Variants in SLC14A2 observed in about 807,000 individuals in gnomAD.
SLC14A2 encodes urea transporter 2.
SLC14A2 carries 91 observed loss-of-function variants against 104.6 expected under a neutral mutation model. The ratio of observed to expected loss-of-function variants is 0.87; its 90% CI spans 0.73 to 1.04. SLC14A2 has a LOEUF of 1.04. SLC14A2 is among the 50% of genes least tolerant of loss of function. The pLI, the probability that SLC14A2 is intolerant of heterozygous loss-of-function variation, is 0.00. For synonymous variants in SLC14A2, 476 were observed against 466.4 expected, an observed-to-expected ratio of 1.02 and a Z score of -0.27; for missense variants, 1,189 against 1,156.0, an observed-to-expected ratio of 1.03 and a Z score of -0.41.
chr18:45,665,938 C>T (rs2046015119), intron 11 of SLC14A2, among the ~76,000 whole-genome samples, 199 bp from the exon 12 acceptor site: 2 of 151,900 alleles, frequency 1.3e-5, no homozygotes, highest in South Asian at 4.2e-4. Context: ...TTCCCCAAAG[C>T]GAGGGCCCAG....
intron 1 of SLC14A2, among the ~76,000 whole-genome samples, chr18:45,401,721 A>G (rs1261913902): frequency 6.6e-6 from 1 of 152,236 alleles, no homozygotes; most frequent in Non-Finnish European, 1.5e-5. Context: ...ATACTTATAC[A>G]GAAGTTGTTT....
intron 1 of SLC14A2, among the ~76,000 whole-genome samples, chr18:45,476,321 G>T (rs560396293): frequency 6.6e-6 from 1 of 152,288 alleles, no homozygotes; most frequent in South Asian, 2.1e-4. Flanking sequence ...ACTCTCTTCT[G>T]GTTTGTAAGG....
intron 2 of SLC14A2, among the ~76,000 whole-genome samples, chr18:45,560,028 G>A (rs1025977206): frequency 1.3e-5 from 2 of 152,166 alleles, no homozygotes; most frequent in South Asian, 2.1e-4. Flanking sequence ...CTGCCTACAC[G>A]TTGCCCTGGA....
intron 1 of SLC14A2, among the ~76,000 whole-genome samples, chr18:45,478,319 G>C (rs575099583): frequency 6.6e-6 from 1 of 152,278 alleles, no homozygotes; most frequent in African/African-American, 2.4e-5. Context: ...TGGATCCACT[G>C]TCTAACCAGT....
At chr18:45,522,548 A>G (rs1280103215) in intron 2 of SLC14A2, among the ~76,000 whole-genome samples, 2 of 152,148 alleles carry the variant, frequency 1.3e-5, no homozygotes, top group East Asian at 3.9e-4. Flanking sequence ...AATGCCACAT[A>G]GCACATTTAA....
the SLC14A2 span, among the ~76,000 whole-genome samples, chr18:45,180,418 A>T: frequency 6.6e-6 from 1 of 152,194 alleles, no homozygotes; most frequent in African/African-American, 2.4e-5. Context: ...TATAATAAGA[A>T]ATGTGGAAGT....
intron 5 of SLC14A2, among the ~76,000 whole-genome samples, chr18:45,634,665 G>T (rs2045391316): frequency 6.6e-6 from 1 of 152,172 alleles, no homozygotes; most frequent in Non-Finnish European, 1.5e-5. Flanking sequence ...GGCAGGAGGG[G>T]AGGGCAGGTA....
intron 2 of SLC14A2, among the ~76,000 whole-genome samples, chr18:45,499,795 A>G (rs898807213): frequency 6.6e-6 from 1 of 152,206 alleles, no homozygotes; most frequent in Non-Finnish European, 1.5e-5. Flanking sequence ...GGAGATGATC[A>G]TAGGTATCTT....
At chr18:45,412,559 G>A (rs1450473652) in intron 1 of SLC14A2, among the ~76,000 whole-genome samples, 1 of 152,084 alleles carries the variant, frequency 6.6e-6, no homozygotes, top group Non-Finnish European at 1.5e-5. Context: ...CCCCCCAGAG[G>A]AATCATCTGC....
At chr18:45,414,757 AATATATATATAT>A (rs71177674) in intron 1 of SLC14A2, among the ~76,000 whole-genome samples, 1,688 of 76,126 alleles carry the variant, frequency 0.022, 81 homozygotes, top group East Asian at 0.036. Flanking sequence ...AAAAAAAAAA[AATATATATATAT>A]ATATATATAT....
chr18:45,549,908 A>T (rs1318624796), intron 2 of SLC14A2: 1 of 152,044 alleles, frequency 6.6e-6, no homozygotes, highest in Non-Finnish European at 1.5e-5. Context: ...AAATTGACCA[A>T]AGTCATGAAG....
At chr18:45,370,552 T>C (rs1486097378) in intron 1 of SLC14A2, among the ~76,000 whole-genome samples, 3 of 152,218 alleles carry the variant, frequency 2.0e-5, no homozygotes, top group Non-Finnish European at 4.4e-5. Context: ...CCTTTTCCTG[T>C]CAGGCACAGG....
rs114626421 is a variant in SLC14A2, at chr18:45,563,251, C to T, written c.-34-61380C>T. On this transcript the variant is annotated intron_variant, in intron 2 of 20. Coordinates refer to the SLC14A2 transcript ENST00000586448. Reference sequence around the variant, plus strand: ...GGATGGGTGCCTTGTCAGTGCCACCCCAGACCCCGCCCTCATGGCCAAAGT... The same window carrying T: ...GGATGGGTGCCTTGTCAGTGCCACCTCAGACCCCGCCCTCATGGCCAAAGT... 9.7e-3 allele frequency among the ~76,000 whole-genome samples: 1,477 copies of T among 152,246 alleles called. 23 individuals carry two copies. The highest frequency in any genetic ancestry group is 0.034 in the African/African-American group (1,407 of 41,542).
intron 1 of SLC14A2, among the ~76,000 whole-genome samples, chr18:45,405,351 A>G (rs1420722306): frequency 1.3e-5 from 2 of 152,214 alleles, no homozygotes; most frequent in Admixed American, 1.3e-4. Context: ...GAATCTAGGC[A>G]CTATGTACCT....
Position 45,363,004 on chromosome 18 carries a change from C to T in SLC14A2, c.-124-120229C>T, listed in dbSNP as rs556286278. Among the ~76,000 whole-genome samples the T allele has an allele frequency of 1.3e-4, 20 of 152,298 alleles. No individual in the cohort carries two copies. The South Asian group carries it at 2.9e-3, about 22-fold the overall frequency. Reference sequence around the variant, plus strand: ...TAACGAAATCCACCAGGGCCTGGCACTTTTCTGCCTGCTCATATCCATTCC... The same window carrying T: ...TAACGAAATCCACCAGGGCCTGGCATTTTTCTGCCTGCTCATATCCATTCC... On this transcript the variant is annotated intron_variant, in intron 1 of 20. Coordinates refer to the SLC14A2 transcript ENST00000586448.
At chr18:45,521,300 C>T (rs565547106) in intron 2 of SLC14A2, among the ~76,000 whole-genome samples, 11 of 152,318 alleles carry the variant, frequency 7.2e-5, no homozygotes, top group African/African-American at 2.4e-4. Context: ...TCCAAGCTTA[C>T]AGCCAAAGCA....
chr18:45,641,457 C>T, intron 8 of SLC14A2, 114 bp downstream of exon 8: 3 of 1,218,500 alleles, frequency 2.5e-6, no homozygotes, highest in Non-Finnish European at 3.5e-6. Flanking sequence ...ACAGAAAGGC[C>T]AATGGCTTGC....
At chr18:45,178,880 A>G in the SLC14A2 span, among the ~76,000 whole-genome samples, 1 of 152,198 alleles carries the variant, frequency 6.6e-6, no homozygotes, top group Non-Finnish European at 1.5e-5. Flanking sequence ...AATATTTTTG[A>G]GCTGAAGAAA....
intron 1 of SLC14A2, among the ~76,000 whole-genome samples, chr18:45,239,972 T>G (rs548518671): frequency 6.6e-6 from 1 of 152,296 alleles, no homozygotes; most frequent in South Asian, 2.1e-4. Flanking sequence ...GGCTGAATAA[T>G]GTTTAATTGT....
Sources: gnomAD v4.1 joint callset for allele counts (sites outside exome capture counted in the v4.1 genomes callset) on GRCh38, gnomAD v4.1.1 for gene constraint, MANE v1.5 for transcripts, NCBI Gene and HGNC (gene_info 2026-07-23, HGNC 2026-07-21) for gene names.